Variants in BTBD2 observed in about 807,000 individuals in gnomAD.
The protein encoded by BTBD2 is BTB/POZ domain-containing protein 2.
BTBD2 carries 15 observed loss-of-function variants against 44.0 expected under a neutral mutation model. The observed-to-expected ratio is 0.34, with a 90% CI of 0.23 to 0.53. BTBD2 has a LOEUF of 0.53. Ranked by LOEUF, BTBD2 falls within the 20% of genes least tolerant of loss-of-function variation. The pLI is 0.95. For missense variants in BTBD2, 657 were observed against 746.4 expected (o/e 0.88, Z 1.39); for synonymous variants, 443 against 335.9 (o/e 1.32, Z -3.49).
At position 1,995,276 on chromosome 19, in the gene BTBD2, A is replaced by ATTT. The variant is rs199549335; in HGVS notation, c.527+2067_527+2068insAAA. On this transcript the variant is annotated intron_variant, in intron 2 of 8. Transcript: ENST00000255608. ...GCCACCGCGCCTAGCCATACTTTGG[A>ATTT]TTCTTTTTTTTTTTTTTTTTTTTGA... Among the ~76,000 whole-genome samples, 171 of 98,966 alleles carry ATTT rather than the reference A, an allele frequency of 1.7e-3. 12 individuals carry two copies. The highest frequency in any genetic ancestry group is 0.017 in the East Asian group (57 of 3,322). 64.9% of individuals were successfully genotyped at this position (98,966 alleles called of 152,430 possible).
Position 1,997,361 on chromosome 19 carries a change from G to A in BTBD2, c.510C>T (p.Ala170=), listed in dbSNP as rs1568217977. ...EIELPDVEPA[A]FLALLKFLYS... ...AGCATTACTTGAGCAGTGCGAGGAAGGCAGCGGGTTCCACGTCGGGCAGCT... is the reference window on the plus strand; with the variant it reads ...AGCATTACTTGAGCAGTGCGAGGAAAGCAGCGGGTTCCACGTCGGGCAGCT... The change falls in exon 2 of 9, where the codon GCC becomes GCT. Residue 170 remains alanine (A), a synonymous_variant. Coordinates refer to ENST00000255608, the MANE Select transcript of BTBD2 (RefSeq NM_017797.4). 1.2e-6 allele frequency: 2 copies of A among 1,614,182 alleles called. No individual in the cohort carries two copies. The highest frequency in any genetic ancestry group is 1.7e-6 in the Non-Finnish European group (2 of 1,180,040).
intron 1 of BTBD2, chr19:2,014,311 G>C (rs1402801589): frequency 1.3e-5 from 2 of 151,702 alleles, no homozygotes; most frequent in African/African-American, 4.9e-5. Flanking sequence ...GGCATGTGGG[G>C]TCATGGGTCC....
chr19:1,993,857 C>CGTG lies in BTBD2; in HGVS notation c.528-684_528-682dup, dbSNP rs1178770064. Among the ~76,000 whole-genome samples the CGTG allele has an allele frequency of 4.6e-5, 7 of 151,328 alleles. No individual in the cohort carries two copies. In the South Asian group the frequency reaches 1.5e-3, roughly 32 times the overall value. On this transcript the variant is annotated intron_variant, in intron 2 of 8. Coordinates refer to ENST00000255608, the MANE Select transcript of BTBD2 (RefSeq NM_017797.4). ...ACTAAAAATACAAAAATTAGCTGGG[C>CGTG]GTGGTGGTGGGCGCCTGTAGTCCCA...
chr19:1,999,916 C>G (rs534887587), intron 1 of BTBD2, among the ~76,000 whole-genome samples: 1 of 149,172 alleles, frequency 6.7e-6, no homozygotes. Context: ...GAGCCAAGAT[C>G]ACGCCATTGC....
chr19:2,005,674 A>C (rs138385286), intron 1 of BTBD2, among the ~76,000 whole-genome samples: 1,934 of 151,672 alleles, frequency 0.013, 31 homozygotes, highest in African/African-American at 0.043. Context: ...CCCAGCTACT[A>C]AGGAGGCTGA....
chr19:1,989,934 C>G, intron 5 of BTBD2, 70 bp downstream of exon 5: 1 of 1,552,660 alleles, frequency 6.4e-7, no homozygotes. Flanking sequence ...GGGCACTATC[C>G]TCGGTACCCA....
chr19:1,999,531 T>G (rs2016298082), intron 1 of BTBD2, among the ~76,000 whole-genome samples: 1 of 151,916 alleles, frequency 6.6e-6, no homozygotes, highest in African/African-American at 2.4e-5. Flanking sequence ...CCAGGCATCG[T>G]GGTGAGCAAG....
chr19:1,993,186 C>A lies in BTBD2; in HGVS notation c.528-10G>T, dbSNP rs2145626533. On this transcript the variant is annotated splice_polypyrimidine_tract_variant and intron_variant, in intron 2 of 8. Transcript: ENST00000255608. Reference sequence around the variant, plus strand: ...GTCCGAGTAGAGAAACCTGCAGAAGCAACGCGGGTGGCCGTGAGGTGGGAC... The same window carrying A: ...GTCCGAGTAGAGAAACCTGCAGAAGAAACGCGGGTGGCCGTGAGGTGGGAC... 1.3e-6 allele frequency: 2 copies of A among 1,590,152 alleles called. No homozygotes were observed. Among genetic ancestry groups the A allele is most frequent in the Non-Finnish European group, 1.7e-6 (2 of 1,174,802 alleles).
At chr19:2,002,296 G>A (rs2016339451) in intron 1 of BTBD2, among the ~76,000 whole-genome samples, 1 of 152,188 alleles carries the variant, frequency 6.6e-6, no homozygotes, top group Admixed American at 6.6e-5. Context: ...GCCCAGGCTG[G>A]TCTCAAACCC....
rs1435511885 is a variant in BTBD2, at chr19:1,987,445, C to A, written c.1181+55G>T. Reference sequence around the variant, plus strand: ...ATGCCCGGCCCCCCATCTCCGTCATCCCCGAGTCCTCCACCCCCATGTCCG... The same window carrying A: ...ATGCCCGGCCCCCCATCTCCGTCATACCCGAGTCCTCCACCCCCATGTCCG... On this transcript the variant is annotated intron_variant, in intron 6 of 8. Coordinates refer to ENST00000255608, the MANE Select transcript of BTBD2 (RefSeq NM_017797.4). 5 of 1,143,574 alleles carry A rather than the reference C, an allele frequency of 4.4e-6. No homozygotes were observed. The Admixed American group carries it at 6.4e-5, about 15-fold the overall frequency. 70.8% of individuals were successfully genotyped at this position (1,143,574 alleles called of 1,614,324 possible). A position where few individuals can be genotyped will look rare whatever the true frequency, so the allele number is the denominator to read the frequency against.
At chr19:1,992,769 G>A (rs911543961) in intron 3 of BTBD2, among the ~76,000 whole-genome samples, 7 of 149,912 alleles carry the variant, frequency 4.7e-5, no homozygotes, top group African/African-American at 7.4e-5. Context: ...ATAGGATTTC[G>A]CCATGTTGGC....
At position 1,987,696 on chromosome 19, in the gene BTBD2, C is replaced by T. The variant is rs1294844581; in HGVS notation, c.989-4G>A. 10 of 1,588,094 alleles carry T rather than the reference C, an allele frequency of 6.3e-6. No homozygotes were observed. The highest frequency in any genetic ancestry group is 1.7e-4 in the Middle Eastern group (1 of 5,964). On this transcript the variant is annotated splice_region_variant and splice_polypyrimidine_tract_variant and intron_variant, in intron 5 of 8. Coordinates refer to ENST00000255608, the MANE Select transcript of BTBD2 (RefSeq NM_017797.4). ...AGGATGCCCGACTGTGCGGGACCTG[C>T]AGCACAGGGAGGGTGTGGGGGAGGG...
At chr19:2,015,253 G>A (rs1406996793) in intron 1 of BTBD2, 44 bp downstream of exon 1, 3 of 1,513,960 alleles carry the variant, frequency 2.0e-6, no homozygotes, top group African/African-American at 2.8e-5. Context: ...CGGGCAGCAG[G>A]CTGGGTGGGT....
At chr19:2,002,372 T>C (rs182942269) in intron 1 of BTBD2, among the ~76,000 whole-genome samples, 2 of 151,780 alleles carry the variant, frequency 1.3e-5, no homozygotes, top group African/African-American at 2.4e-5. Context: ...AACTGATAAC[T>C]GTATTTCTCG....
At chr19:2,002,694 A>G (rs914329727) in intron 1 of BTBD2, 1 of 152,122 alleles carries the variant, frequency 6.6e-6, no homozygotes, top group Admixed American at 6.6e-5. Context: ...TAACACGGTG[A>G]AACCCCGTCT....
Position 2,015,615 on chromosome 19 carries a change from G to A in BTBD2, c.89C>T (p.Ala30Val). ...PGTGGSPGPSANAAATPAPGN... is the reference protein window; with the variant it reads ...PGTGGSPGPSVNAAATPAPGN... ...GGGGGCCGGGGTGGCGGCGGCGTTG[G>A]CGCTGGGCCCGGGACTGCCCCCCGT... is the stretch of plus-strand genomic sequence containing the variant. The change falls in exon 1 of 9, where the codon GCC (alanine) becomes GTC (valine). Residue 30 changes from alanine (A) to valine (V), a missense_variant. Around this residue, in one of 3 missense-constraint regions of BTBD2, gnomAD observed 191 missense variants for 188.5 expected, o/e 1.01. Coordinates refer to ENST00000255608, the MANE Select transcript of BTBD2 (RefSeq NM_017797.4). 2 of 975,290 alleles carry A rather than the reference G, an allele frequency of 2.1e-6. No homozygotes were observed. Among genetic ancestry groups the A allele is most frequent in the Non-Finnish European group, 2.4e-6 (2 of 826,464 alleles). The allele number at this position is 975,290 out of a possible 1,614,324, so 60.4% of individuals were successfully genotyped here.
chr19:2,008,589 C>CTTT lies in BTBD2; in HGVS notation c.407+6705_407+6707dup, dbSNP rs34228593. On this transcript the variant is annotated intron_variant, in intron 1 of 8. Coordinates refer to ENST00000255608, the MANE Select transcript of BTBD2 (RefSeq NM_017797.4). ...TACAGGCGTGAGCCACTGTGCCCAG[C>CTTT]TTTTTTTTTTTTTTTTTTTAGGGAC... is the stretch of plus-strand genomic sequence containing the variant. Among the ~76,000 whole-genome samples the CTTT allele has an allele frequency of 3.0e-4, 38 of 126,594 alleles. 4 individuals are homozygous for CTTT. Among genetic ancestry groups the CTTT allele is most frequent in the African/African-American group, 5.0e-4 (16 of 32,010 alleles). The allele number at this position is 126,594 out of a possible 152,430, so 83.1% of individuals were successfully genotyped here.
chr19:2,007,831 A>AAAT (rs60436307), intron 1 of BTBD2, among the ~76,000 whole-genome samples: 1 of 151,674 alleles, frequency 6.6e-6, no homozygotes, highest in African/African-American at 2.4e-5. Context: ...CTGTCTCAAA[A>AAAT]AATAATAAAA....
intron 1 of BTBD2, among the ~76,000 whole-genome samples, chr19:2,009,554 T>A (rs951069271): frequency 6.7e-6 from 1 of 149,950 alleles, no homozygotes; most frequent in African/African-American, 2.4e-5. Flanking sequence ...ATAGAGTGAA[T>A]AAAGATACGT....
Sources: allele counts gnomAD v4.1 joint callset (sites outside exome capture counted in the v4.1 genomes callset), GRCh38; gene constraint gnomAD v4.1.1; regional missense constraint gnomAD v4.1.1; transcripts MANE v1.5; gene names NCBI Gene and HGNC (gene_info 2026-07-23, HGNC 2026-07-21).